Variants in AGAP1 observed in about 807,000 individuals in gnomAD.
AGAP1 encodes the protein arf-GAP with GTPase, ANK repeat and PH domain-containing protein 1.
Under a neutral mutation model 105.3 loss-of-function variants are expected in AGAP1, and 29 were observed. The ratio of observed to expected loss-of-function variants is 0.28; its 90% CI spans 0.21 to 0.38. The LOEUF (loss-of-function observed/expected upper bound fraction) is 0.38. Among genes scored for constraint, AGAP1 ranks in the 10% least tolerant of loss-of-function variants. AGAP1 has a pLI of 1.00. For synonymous variants in AGAP1, 509 were observed against 485.9 expected (o/e 1.05, Z -0.63); for missense variants, 998 against 1,165.1 (o/e 0.86, Z 2.09).
At chr2:236,048,922 G>C (rs915004242) in intron 15 of AGAP1, 137 bp from the exon 16 acceptor site, 1 of 768,918 alleles carries the variant, frequency 1.3e-6, no homozygotes. Context: ...GCACTGGCTA[G>C]GGAGCATTTT....
At chr2:235,939,562 G>A (rs1053279918) in intron 12 of AGAP1, among the ~76,000 whole-genome samples, 5 of 127,850 alleles carry the variant, frequency 3.9e-5, no homozygotes, top group East Asian at 4.3e-4. Flanking sequence ...CTCACCACAC[G>A]TTCCAGGACA....
At position 235,622,623 on chromosome 2, in the gene AGAP1, T is replaced by C. The variant is rs1946521086; in HGVS notation, c.164-86556T>C. On this transcript the variant is annotated intron_variant, in intron 1 of 17. Coordinates refer to ENST00000304032, the MANE Select transcript of AGAP1 (RefSeq NM_001037131.3). This position sits in a 1 kb window ranked among gnomAD's most constrained non-coding sequence, Gnocchi z 5.0. ...CTTCAGCCAACGTCGGTTTTGAGAA[T>C]GCGACCTATGAAATTGGGAGCCCTG... Among the ~76,000 whole-genome samples, 1 of 152,234 alleles carries C rather than the reference T, an allele frequency of 6.6e-6. No homozygotes were observed. The highest frequency in any genetic ancestry group is 6.5e-5 in the Admixed American group (1 of 15,282).
chr2:236,041,440 A>G (rs1249897228), intron 15 of AGAP1, among the ~76,000 whole-genome samples: 1 of 151,996 alleles, frequency 6.6e-6, no homozygotes, highest in Non-Finnish European at 1.5e-5. Flanking sequence ...TTGAACTGAT[A>G]GAAGTTGTAA....
chr2:235,653,247 C>T (rs1187332664), intron 1 of AGAP1, among the ~76,000 whole-genome samples: 3 of 152,012 alleles, frequency 2.0e-5, no homozygotes, highest in East Asian at 1.9e-4. Context: ...GGGCGGATCA[C>T]GAGGTCAGGA....
chr2:235,839,115 G>A (rs1960505248), intron 9 of AGAP1, among the ~76,000 whole-genome samples: 1 of 152,192 alleles, frequency 6.6e-6, no homozygotes, highest in African/African-American at 2.4e-5. Context: ...CCATGCCACT[G>A]CTCTCCCCAG....
chr2:235,869,284 C>T lies in AGAP1; in HGVS notation c.1051-14061C>T, dbSNP rs555551197. 5.7e-4 allele frequency among the ~76,000 whole-genome samples: 86 copies of T among 151,916 alleles called. No homozygotes were observed. In the Middle Eastern group the frequency reaches 0.017, roughly 30 times the overall value. On this transcript the variant is annotated intron_variant, in intron 9 of 17. Coordinates refer to ENST00000304032, the MANE Select transcript of AGAP1 (RefSeq NM_001037131.3). ...GGGTAATGAGCCCAAATTATAGTGG[C>T]TTAAAACAGTACCATTTTGGCCAGG...
At chr2:235,594,359 A>G (rs1310303322) in intron 1 of AGAP1, among the ~76,000 whole-genome samples, 1 of 151,986 alleles carries the variant, frequency 6.6e-6, no homozygotes, top group South Asian at 2.1e-4. Flanking sequence ...GATCAGAGGT[A>G]GCGTCTCCTC....
At chr2:235,503,013 T>G (rs1228005028) in intron 1 of AGAP1, among the ~76,000 whole-genome samples, 1 of 152,160 alleles carries the variant, frequency 6.6e-6, no homozygotes, top group Non-Finnish European at 1.5e-5. Flanking sequence ...AAGAAAGAAG[T>G]TAAACATTTT....
chr2:235,899,717 G>T (rs1214360314), intron 10 of AGAP1, among the ~76,000 whole-genome samples: 6 of 152,194 alleles, frequency 3.9e-5, no homozygotes, highest in African/African-American at 1.4e-4. Flanking sequence ...CAAAGGAATT[G>T]TGTTGGCTCC....
In AGAP1 at chr2:235,875,774, G is replaced by A. The variant is rs529323473; in HGVS notation, c.1051-7571G>A. On this transcript the variant is annotated intron_variant, in intron 9 of 17. Transcript: ENST00000304032. The surrounding 1 kb of genome is among the most constrained non-coding windows in gnomAD (Gnocchi z 4.0). Reference sequence around the variant, plus strand: ...TACACTTCCCACTGCCCGACAGTACGTGCAGTGATTTTGATGGCTGTTTAT... The same window carrying A: ...TACACTTCCCACTGCCCGACAGTACATGCAGTGATTTTGATGGCTGTTTAT... 6.6e-6 allele frequency among the ~76,000 whole-genome samples: 1 copy of A among 152,194 alleles called. No individual in the cohort carries two copies. Among genetic ancestry groups the A allele is most frequent in the Non-Finnish European group, 1.5e-5 (1 of 68,042 alleles).
rs1009955876 is a variant in AGAP1, at chr2:235,908,641, G to T, written c.1156-97G>T. On this transcript the variant is annotated intron_variant, in intron 10 of 17. Transcript: ENST00000304032. The surrounding 1 kb of genome is among the most constrained non-coding windows in gnomAD (Gnocchi z 4.4). ...CTTTCCACAGTGGAAGGGTCATAGGGTTTTAACTCATGACGTCTGATAGAC... is the reference window on the plus strand; with the variant it reads ...CTTTCCACAGTGGAAGGGTCATAGGTTTTTAACTCATGACGTCTGATAGAC... The T allele has an allele frequency of 3.4e-6, 4 of 1,190,908 alleles. No homozygotes were observed. The highest frequency in any genetic ancestry group is 4.7e-6 in the Non-Finnish European group (4 of 849,846). 73.8% of individuals were successfully genotyped at this position (1,190,908 alleles called of 1,614,324 possible).
chr2:235,622,732 C>T lies in AGAP1; in HGVS notation c.164-86447C>T, dbSNP rs1009978020. Among the ~76,000 whole-genome samples, 3 of 151,992 alleles carry T rather than the reference C, an allele frequency of 2.0e-5. No homozygotes were observed. Among genetic ancestry groups the T allele is most frequent in the Non-Finnish European group, 4.4e-5 (3 of 68,038 alleles). On this transcript the variant is annotated intron_variant, in intron 1 of 17. Coordinates refer to ENST00000304032, the MANE Select transcript of AGAP1 (RefSeq NM_001037131.3). This position sits in a 1 kb window ranked among gnomAD's most constrained non-coding sequence, Gnocchi z 5.0. The stretch of plus-strand genomic sequence containing the variant: ...ACCACGGTAGCTAATGTTTGTAGCG[C>T]GCTCACGTATGCCAGACTCTTCTTA...
chr2:235,709,906 T>C (rs1950758480), intron 2 of AGAP1, among the ~76,000 whole-genome samples: 1 of 152,190 alleles, frequency 6.6e-6, no homozygotes, highest in Non-Finnish European at 1.5e-5. Context: ...TCGTGAAATA[T>C]GTGGCATTTG....
intron 1 of AGAP1, among the ~76,000 whole-genome samples, chr2:235,654,443 A>G (rs973603399): frequency 6.6e-6 from 1 of 152,244 alleles, no homozygotes; most frequent in Non-Finnish European, 1.5e-5. Flanking sequence ...TTAATAAATG[A>G]TGGCTTCAGA....
At chr2:236,115,805 T>TTTTTGTTTTG (rs55996752) in intron 16 of AGAP1, among the ~76,000 whole-genome samples, 62,589 of 151,452 alleles carry the variant, frequency 0.41, 13,409 homozygotes, top group Middle Eastern at 0.57. Context: ...AAAGCTTCTG[T>TTTTTGTTTTG]TTTTGTTTTG....
Position 235,785,419 on chromosome 2 carries a change from T to C in AGAP1, c.674-12340T>C, listed in dbSNP as rs1956563707. Among the ~76,000 whole-genome samples, 2 of 152,216 alleles carry C rather than the reference T, an allele frequency of 1.3e-5. 1 individual carries two copies. The highest frequency in any genetic ancestry group is 4.1e-4 in the South Asian group (2 of 4,828). On this transcript the variant is annotated intron_variant, in intron 6 of 17. Transcript: ENST00000304032. Reference sequence around the variant, plus strand: ...AAGAAAACCAATTATTGCACTTAACTGGATCTGTCTCAAGGTTCCTGATTT... The same window carrying C: ...AAGAAAACCAATTATTGCACTTAACCGGATCTGTCTCAAGGTTCCTGATTT...
chr2:235,906,901 A>G lies in AGAP1; in HGVS notation c.1156-1837A>G, dbSNP rs2051332361. Among the ~76,000 whole-genome samples, 1 of 152,230 alleles carries G rather than the reference A, an allele frequency of 6.6e-6. No individual in the cohort carries two copies. The highest frequency in any genetic ancestry group is 1.5e-5 in the Non-Finnish European group (1 of 68,040). On this transcript the variant is annotated intron_variant, in intron 10 of 17. Transcript: ENST00000304032. This position sits in a 1 kb window ranked among gnomAD's most constrained non-coding sequence, Gnocchi z 5.3. The stretch of plus-strand genomic sequence containing the variant: ...AGGTGGACTGCTTGCCTGTCATCCC[A>G]GCTACTCGGGAGACTGAGGCAGGAG...
At chr2:236,052,377 C>G (rs887057315) in intron 16 of AGAP1, among the ~76,000 whole-genome samples, 2 of 152,176 alleles carry the variant, frequency 1.3e-5, no homozygotes, top group African/African-American at 4.8e-5. Flanking sequence ...CACAGCAGAT[C>G]TTCCTCCAAA....
At chr2:235,497,568 C>A (rs1941372074) in intron 1 of AGAP1, among the ~76,000 whole-genome samples, 1 of 152,230 alleles carries the variant, frequency 6.6e-6, no homozygotes, top group African/African-American at 2.4e-5. Context: ...GGTCTGACTT[C>A]CCAAGCTTCT....
Sources: gnomAD v4.1 joint callset for allele counts (sites outside exome capture counted in the v4.1 genomes callset) on GRCh38, gnomAD v4.1.1 for gene constraint, Gnocchi (gnomAD v3.1) non-coding constraint, MANE v1.5 for transcripts, NCBI Gene and HGNC (gene_info 2026-07-23, HGNC 2026-07-21) for gene names.